The following PCSK1 variants were observed in gnomAD, a reference collection of about 807,000 sequenced individuals.
The protein encoded by PCSK1 is proprotein convertase subtilisin/kexin type 1.
Under a neutral mutation model 90.6 loss-of-function variants are expected in PCSK1, and 56 were observed. The observed-to-expected ratio is 0.62, with a 90% CI of 0.50 to 0.77. PCSK1 has a LOEUF of 0.77. Among genes scored for constraint, PCSK1 ranks in the 30% least tolerant of loss-of-function variants. The pLI is 0.00. For synonymous variants in PCSK1, 348 were observed against 342.4 expected (o/e 1.02, Z -0.18); for missense variants, 801 against 932.6 (o/e 0.86, Z 1.84).
rs1429574639 is a variant in PCSK1 at position 96,432,903 on chromosome 5, G to A, written c.140C>T (p.Ser47Leu). Residue 47 changes from serine (S) to leucine (L), a missense_variant, in exon 1 of 14, where the codon TCG (serine) becomes TTG (leucine). Physicochemically the swap from Ser to Leu is moderately radical, Grantham distance 145 (BLOSUM62 -2). Coordinates refer to ENST00000311106, the MANE Select transcript of PCSK1 (RefSeq NM_000439.5). ...ATAGCCCAGCTCCTCGGCGATGGCC[G>A]AGGCTGCTTCCGGGCCCCCGGGGAT... Reference protein sequence around the residue: ...AEIPGGPEAASAIAEELGYDL... With the variant: ...AEIPGGPEAALAIAEELGYDL... 14 of 1,614,080 alleles carry A rather than the reference G, an allele frequency of 8.7e-6. No homozygotes were observed. The highest frequency in any genetic ancestry group is 1.0e-5 in the Non-Finnish European group (12 of 1,179,976).
In PCSK1 at chr5:96,397,419, C is replaced by G; in HGVS notation, c.1639G>C (p.Gly547Arg). 1 of 1,611,672 alleles carries G rather than the reference C, an allele frequency of 6.2e-7. No individual in the cohort carries two copies. The highest frequency in any genetic ancestry group is 8.5e-7 in the Non-Finnish European group (1 of 1,177,764). Reference sequence around the variant, plus strand: ...GACATGAAGTCCCAATTCTTAAAGCCATTAGGAGATGTATCCCGTTCTCTT... The same window carrying G: ...GACATGAAGTCCCAATTCTTAAAGCGATTAGGAGATGTATCCCGTTCTCTT... ...AERERDTSPN[G>R]FKNWDFMSVH... The change falls in exon 12 of 14, where the codon GGC (glycine) becomes CGC (arginine). Residue 547 changes from glycine to arginine, a missense_variant. Transcript: ENST00000311106.
In PCSK1 at chr5:96,391,403, TG is replaced by T. The variant is rs764975452; in HGVS notation, c.*1597del. 7.2e-5 allele frequency: 11 copies of T among 152,188 alleles called. No individual in the cohort carries two copies. Among genetic ancestry groups the T allele is most frequent in the Admixed American group, 4.6e-4 (7 of 15,276 alleles). The allele number at this position is 152,188 out of a possible 1,614,324, so 9.4% of individuals were successfully genotyped here. A position where few individuals can be genotyped will look rare whatever the true frequency, so the allele number is the denominator to read the frequency against. ...AAACTCAGTGGGAGAAAGCCAGCATTGTAGGTGACTGGAGACTTTGTAAGCA... is the reference window on the plus strand; with the variant it reads ...AAACTCAGTGGGAGAAAGCCAGCATTTAGGTGACTGGAGACTTTGTAAGCA... On this transcript the variant is annotated 3_prime_UTR_variant, in exon 14 of 14. Transcript: ENST00000311106.
rs1759965060 is a variant in PCSK1, at chr5:96,392,131, T to A, written c.*870A>T. Reference sequence around the variant, plus strand: ...GTGATAAGTGGTTTCCTGTTACTGCTGAAAAAAATTGTGACTAGGAATTTG... The same window carrying A: ...GTGATAAGTGGTTTCCTGTTACTGCAGAAAAAAATTGTGACTAGGAATTTG... On this transcript the variant is annotated 3_prime_UTR_variant, in exon 14 of 14. Transcript: ENST00000311106. 1.3e-5 allele frequency: 2 copies of A among 151,962 alleles called. No homozygotes were observed. The highest frequency in any genetic ancestry group is 4.1e-4 in the South Asian group (2 of 4,826). 9.4% of individuals were successfully genotyped at this position (151,962 alleles called of 1,614,324 possible). A position where few individuals can be genotyped will look rare whatever the true frequency, so the allele number is the denominator to read the frequency against.
At position 96,392,470 on chromosome 5, in the gene PCSK1, G is replaced by A. The variant is rs1759976304; in HGVS notation, c.*531C>T. The A allele has an allele frequency of 6.4e-6, 1 of 155,248 alleles. No individual in the cohort carries two copies. Among genetic ancestry groups the A allele is most frequent in the Non-Finnish European group, 1.4e-5 (1 of 69,836 alleles). 9.6% of individuals were successfully genotyped at this position (155,248 alleles called of 1,614,324 possible). ...ATGACCAGATTTTGACTACAGGAAT[G>A]AGTGGCACTTTGGAATAGAAAGATC... On this transcript the variant is annotated 3_prime_UTR_variant, in exon 14 of 14. Transcript: ENST00000311106.
At chr5:96,412,904 C>CA in intron 6 of PCSK1, 1 of 915,020 alleles carries the variant, frequency 1.1e-6, no homozygotes, top group Non-Finnish European at 1.3e-6. Context: ...CCCTCCCACC[C>CA]CAACTAAATG....
chr5:96,414,797 G>T (rs940677284), intron 6 of PCSK1, among the ~76,000 whole-genome samples: 5 of 152,236 alleles, frequency 3.3e-5, no homozygotes, highest in Middle Eastern at 3.4e-3. Flanking sequence ...TACATAATTT[G>T]TGCTTCTCCC....
intron 12 of PCSK1, among the ~76,000 whole-genome samples, chr5:96,395,469 A>G (rs141586869): frequency 0.015 from 2,356 of 152,350 alleles, 53 homozygotes; most frequent in African/African-American, 0.054. Context: ...GCCATAAAAA[A>G]GAGTGAGTTC....
chr5:96,414,895 T>C (rs1224195111), intron 6 of PCSK1, among the ~76,000 whole-genome samples: 4 of 152,226 alleles, frequency 2.6e-5, no homozygotes, highest in Non-Finnish European at 5.9e-5. Context: ...AAGAGTGCCC[T>C]ATATTCATGA....
chr5:96,391,697 G>C lies in PCSK1; in HGVS notation c.*1304C>G, dbSNP rs1374175844. ...GGTAACATGGAGCAGGGTGCCATGG[G>C]GACTGAGAGTCATCTAATCAGGCAG... On this transcript the variant is annotated 3_prime_UTR_variant, in exon 14 of 14. Transcript: ENST00000311106. 1 of 152,148 alleles carries C rather than the reference G, an allele frequency of 6.6e-6. No homozygotes were observed. Among genetic ancestry groups the C allele is most frequent in the African/African-American group, 2.4e-5 (1 of 41,426 alleles). The allele number at this position is 152,148 out of a possible 1,614,324, so 9.4% of individuals were successfully genotyped here.
chr5:96,422,292 G>A (rs1761154655), intron 4 of PCSK1, among the ~76,000 whole-genome samples: 1 of 152,128 alleles, frequency 6.6e-6, no homozygotes, highest in Non-Finnish European at 1.5e-5. Flanking sequence ...TTGAGGCCCA[G>A]AGAAGTTAAA....
intron 5 of PCSK1, among the ~76,000 whole-genome samples, chr5:96,420,565 C>T (rs997818197): frequency 1.3e-5 from 2 of 151,886 alleles, no homozygotes; most frequent in East Asian, 1.9e-4. Context: ...ACAAGCCTCC[C>T]ATTTTCCCCA....
At chr5:96,411,620 G>A (rs878895438) in intron 7 of PCSK1, among the ~76,000 whole-genome samples, 3 of 152,138 alleles carry the variant, frequency 2.0e-5, no homozygotes, top group African/African-American at 4.8e-5. Context: ...AAGGCAACAC[G>A]TTTCTATATT....
intron 12 of PCSK1, among the ~76,000 whole-genome samples, chr5:96,396,680 A>C (rs1760161793): frequency 1.3e-5 from 2 of 152,218 alleles, no homozygotes; most frequent in South Asian, 4.1e-4. Context: ...ACCTACAGAG[A>C]ATGTTGGAGA....
chr5:96,401,778 G>C (rs577849142), intron 9 of PCSK1, among the ~76,000 whole-genome samples: 16 of 152,302 alleles, frequency 1.1e-4, no homozygotes, highest in African/African-American at 3.6e-4. Flanking sequence ...TTAACCATGA[G>C]AAGTGGTGAG....
chr5:96,401,915 A>G (rs980493495), intron 9 of PCSK1, among the ~76,000 whole-genome samples: 3 of 152,184 alleles, frequency 2.0e-5, no homozygotes, highest in African/African-American at 4.8e-5. Context: ...CCCCAAATAT[A>G]ATTTTAAAAC....
chr5:96,426,595 A>G lies in PCSK1; in HGVS notation c.286-665T>C, dbSNP rs3811949. Among the ~76,000 whole-genome samples, 100 of 152,332 alleles carry G rather than the reference A, an allele frequency of 6.6e-4. 1 individual carries two copies. The East Asian group carries it at 0.016, about 24-fold the overall frequency. ...TGACAATACGAAAATTACCTGCCCC[A>G]TATTTACAGCATAATACTATTATAC... On this transcript the variant is annotated intron_variant, in intron 2 of 13. Coordinates refer to ENST00000311106, the MANE Select transcript of PCSK1 (RefSeq NM_000439.5).
rs117566258 is a variant in PCSK1, at chr5:96,426,524, C to T, written c.286-594G>A. Reference sequence around the variant, plus strand: ...GGTGATGAATGAGCACTACTGACCACGCACACTTACCATTAATTCAGTCTC... The same window carrying T: ...GGTGATGAATGAGCACTACTGACCATGCACACTTACCATTAATTCAGTCTC... On this transcript the variant is annotated intron_variant, in intron 2 of 13. Transcript: ENST00000311106. Among the ~76,000 whole-genome samples the T allele has an allele frequency of 9.9e-5, 15 of 152,254 alleles. No individual in the cohort carries two copies. The East Asian group carries it at 2.5e-3, about 25-fold the overall frequency.
chr5:96,392,980 A>G lies in PCSK1; in HGVS notation c.*21T>C, dbSNP rs763429283. 6 of 1,613,484 alleles carry G rather than the reference A, an allele frequency of 3.7e-6. No homozygotes were observed. In the East Asian group the frequency reaches 6.7e-5, roughly 18 times the overall value. On this transcript the variant is annotated 3_prime_UTR_variant, in exon 14 of 14. Transcript: ENST00000311106. ...TAAGGAAGAAGCATGAATATTTCCA[A>G]CTTGGGACCACACACTTATTTTAAT...
At chr5:96,398,411 A>G (rs986215878) in intron 11 of PCSK1, among the ~76,000 whole-genome samples, 14 of 152,234 alleles carry the variant, frequency 9.2e-5, no homozygotes, top group Non-Finnish European at 2.1e-4. Context: ...ATGTTCATAC[A>G]TCATATAAAA....
Sources: gnomAD v4.1 joint callset for allele counts (sites outside exome capture counted in the v4.1 genomes callset) on GRCh38, gnomAD v4.1.1 for gene constraint, MANE v1.5 for transcripts, NCBI Gene and HGNC (gene_info 2026-07-23, HGNC 2026-07-21) for gene names.